PAK3: variants seen among roughly 807,000 people sequenced by gnomAD.
PAK3 encodes the protein serine/threonine-protein kinase PAK 3.
Under a neutral mutation model 41.0 loss-of-function variants are expected in PAK3, and 4 were observed. The ratio of observed to expected loss-of-function variants is 0.10; its 90% CI spans 0.05 to 0.22. The LOEUF (loss-of-function observed/expected upper bound fraction) is 0.22, where lower values mean the gene tolerates loss of function less well. Ranked by LOEUF, PAK3 falls within the 10% of genes least tolerant of loss-of-function variation. The probability of loss-of-function intolerance (pLI) is 1.00; values close to 1 mark genes in which losing one functional copy is unlikely to be tolerated. For synonymous variants in PAK3, 146 were observed against 139.6 expected (o/e 1.05, Z -0.32); for missense variants, 205 against 409.9 (o/e 0.50, Z 4.32).
In PAK3 at chrX:111,220,937, A is replaced by C. The variant is rs2094922842; in HGVS notation, c.*490A>C. 1.3e-5 allele frequency: 1 copy of C among 79,519 alleles called. No individual in the cohort carries two copies. Among genetic ancestry groups the C allele is most frequent in the Non-Finnish European group, 2.5e-5 (1 of 40,224 alleles). 6.6% of individuals were successfully genotyped at this position (79,519 alleles called of 1,213,427 possible). ...TTTTTCTAAAAAAAGAAAGCAAAAA[A>C]AGCAAGGCAAAAAAAAAAAAAAAAA... On this transcript the variant is annotated 3_prime_UTR_variant, in exon 18 of 18. Coordinates refer to ENST00000372007, the MANE Select transcript of PAK3 (RefSeq NM_002578.5).
At chrX:111,161,283 C>A (rs1364917510) in intron 8 of PAK3, among the ~76,000 whole-genome samples, 1 of 111,813 alleles carries the variant, frequency 8.9e-6, no homozygotes, top group East Asian at 2.8e-4. Context: ...AGTGTCTATT[C>A]ATATCCTTTG....
chrX:111,016,812 G>A (rs2092098798), intron 1 of PAK3, among the ~76,000 whole-genome samples: 1 of 109,186 alleles, frequency 9.2e-6, no homozygotes, highest in Non-Finnish European at 1.9e-5. Flanking sequence ...GAGGAGAGGA[G>A]AGGAGGCAAA....
Position 111,192,342 on chromosome X carries a change from T to C in PAK3, c.880-164T>C, listed in dbSNP as rs936008927. Among the ~76,000 whole-genome samples, 18 of 82,075 alleles carry C rather than the reference T, an allele frequency of 2.2e-4. No homozygotes were observed. The African/African-American group carries it at 3.0e-3, about 13-fold the overall frequency. The allele number at this position is 82,075 out of a possible 115,157, so 71.3% of individuals were successfully genotyped here. A position where few individuals can be genotyped will look rare whatever the true frequency, so the allele number is the denominator to read the frequency against. The stretch of plus-strand genomic sequence containing the variant: ...TCTGAAGTGAGTAGTTTACCCATGA[T>C]AACCAAAAAATAAAAAAAAAAGTGG... On this transcript the variant is annotated intron_variant, in intron 12 of 17. Transcript: ENST00000372007.
At chrX:111,128,288 G>T (rs1044529334) in intron 5 of PAK3, among the ~76,000 whole-genome samples, 5 of 112,025 alleles carry the variant, frequency 4.5e-5, no homozygotes, top group Non-Finnish European at 7.5e-5. Context: ...AATCTAGAGA[G>T]ATTTGGGAGT....
intron 1 of PAK3, among the ~76,000 whole-genome samples, chrX:110,947,688 C>T (rs1409817946): frequency 8.9e-6 from 1 of 111,985 alleles, no homozygotes; most frequent in Non-Finnish European, 1.9e-5. Flanking sequence ...CAGCATTTCT[C>T]AGATGGAATT....
At chrX:111,027,063 A>C (rs1251937521) in intron 1 of PAK3, among the ~76,000 whole-genome samples, 1 of 111,780 alleles carries the variant, frequency 8.9e-6, no homozygotes, top group Non-Finnish European at 1.9e-5. Context: ...TGAGGAAAGG[A>C]CACTCTATGT....
intron 11 of PAK3, among the ~76,000 whole-genome samples, chrX:111,184,574 C>T (rs6642872): frequency 0.12 from 12,989 of 106,249 alleles, 1,604 homozygotes; most frequent in African/African-American, 0.38. Flanking sequence ...CAACAGGCCC[C>T]GGTGTGTGAT....
intron 12 of PAK3, 45 bp downstream of exon 12, chrX:111,192,220 T>A: frequency 1.2e-6 from 1 of 824,319 alleles, no homozygotes; most frequent in Non-Finnish European, 1.8e-6. Flanking sequence ...CTTTTATTCA[T>A]ATTTAACAGT....
intron 1 of PAK3, among the ~76,000 whole-genome samples, chrX:111,030,067 C>T (rs1602903390): frequency 8.9e-6 from 1 of 112,109 alleles, no homozygotes; most frequent in East Asian, 2.8e-4. Context: ...TTTCTCTCAA[C>T]TGTGAATGGT....
At chrX:111,071,776 C>T (rs2092747143) in intron 1 of PAK3, among the ~76,000 whole-genome samples, 1 of 111,982 alleles carries the variant, frequency 8.9e-6, no homozygotes, top group Non-Finnish European at 1.9e-5. Flanking sequence ...CCACATGTTC[C>T]AGCCAGAGAG....
At chrX:110,991,449 C>T (rs2057837013) in intron 1 of PAK3, among the ~76,000 whole-genome samples, 3 of 111,496 alleles carry the variant, frequency 2.7e-5, no homozygotes, top group African/African-American at 9.8e-5. Context: ...GGTCGAGTCA[C>T]ATCACTTCCT....
intron 5 of PAK3, among the ~76,000 whole-genome samples, chrX:111,135,075 G>A (rs2093769868): frequency 9.0e-6 from 1 of 110,984 alleles, no homozygotes; most frequent in Admixed American, 9.6e-5. Flanking sequence ...AGGAGGAATC[G>A]GGAAGAGGGG....
At chrX:111,058,405 T>A (rs1484659293) in intron 1 of PAK3, among the ~76,000 whole-genome samples, 4 of 111,875 alleles carry the variant, frequency 3.6e-5, no homozygotes, top group Non-Finnish European at 5.6e-5. Flanking sequence ...TATCTTATTG[T>A]GGCTTTGATT....
Position 111,123,063 on chromosome X carries a change from C to G in PAK3, c.-27-14C>G. ...TTCTCCCTCAACTCCTTTTTTTTCCCTCCTTTTCTTTAGGAGCTGTGAAAT... is the reference window on the plus strand; with the variant it reads ...TTCTCCCTCAACTCCTTTTTTTTCCGTCCTTTTCTTTAGGAGCTGTGAAAT... On this transcript the variant is annotated splice_polypyrimidine_tract_variant and intron_variant, in intron 4 of 17. Coordinates refer to ENST00000372007, the MANE Select transcript of PAK3 (RefSeq NM_002578.5). 9.2e-7 allele frequency: 1 copy of G among 1,082,827 alleles called. No homozygotes were observed. Among genetic ancestry groups the G allele is most frequent in the Non-Finnish European group, 1.3e-6 (1 of 780,261 alleles). 89.2% of individuals were successfully genotyped at this position (1,082,827 alleles called of 1,213,427 possible).
intron 1 of PAK3, among the ~76,000 whole-genome samples, chrX:111,073,002 G>A (rs1450321417): frequency 3.6e-5 from 4 of 111,523 alleles, no homozygotes; most frequent in Non-Finnish European, 5.7e-5. Context: ...CAGAAAAGAG[G>A]GCAGCACCAT....
At chrX:110,974,711 A>G (rs775480674) in intron 1 of PAK3, among the ~76,000 whole-genome samples, 4 of 112,218 alleles carry the variant, frequency 3.6e-5, no homozygotes, top group South Asian at 3.8e-4. Context: ...AAAATCCTCA[A>G]TAAAATACCG....
At chrX:110,956,393 G>C (rs985872841) in intron 1 of PAK3, among the ~76,000 whole-genome samples, 1 of 111,330 alleles carries the variant, frequency 9.0e-6, no homozygotes, top group Admixed American at 9.5e-5. Flanking sequence ...GGATCCCTTG[G>C]TCCCTGCTTT....
intron 1 of PAK3, among the ~76,000 whole-genome samples, chrX:111,000,166 A>G (rs1254114461): frequency 9.0e-6 from 1 of 111,152 alleles, no homozygotes; most frequent in Non-Finnish European, 1.9e-5. Flanking sequence ...GAATCCTAAT[A>G]TCCCACAGAA....
chrX:110,995,636 T>C (rs755850624), intron 1 of PAK3, among the ~76,000 whole-genome samples: 5 of 111,423 alleles, frequency 4.5e-5, no homozygotes, highest in African/African-American at 1.6e-4. Context: ...TCAGATCACA[T>C]GATTTCCCTC....
Sources: gnomAD v4.1 joint callset for allele counts (sites outside exome capture counted in the v4.1 genomes callset) on GRCh38, gnomAD v4.1.1 for gene constraint, MANE v1.5 for transcripts, NCBI Gene and HGNC (gene_info 2026-07-23, HGNC 2026-07-21) for gene names.